The following CDH13 variants were observed in gnomAD, a reference collection of about 807,000 sequenced individuals.
CDH13 encodes the protein cadherin 13.
Under a neutral mutation model 63.8 loss-of-function variants are expected in CDH13, and 24 were observed. The ratio of observed to expected loss-of-function variants is 0.38; its 90% CI spans 0.27 to 0.53. CDH13 has a LOEUF of 0.53. Among genes scored for constraint, CDH13 ranks in the 20% least tolerant of loss-of-function variants. CDH13 has a pLI of 0.85. For missense variants in CDH13, 1,049 were observed against 903.1 expected (o/e 1.16, Z -2.07); for synonymous variants, 503 against 355.3 (o/e 1.42, Z -4.67).
chr16:83,070,800 C>G (rs1031924914), intron 3 of CDH13, among the ~76,000 whole-genome samples: 11 of 149,486 alleles, frequency 7.4e-5, no homozygotes, highest in African/African-American at 2.2e-4. Context: ...AAGGAGTTGT[C>G]TTAAGCAATA....
chr16:82,917,844 C>T lies in CDH13; in HGVS notation c.157+59371C>T, dbSNP rs559820810. Among the ~76,000 whole-genome samples, 269 of 142,288 alleles carry T rather than the reference C, an allele frequency of 1.9e-3. 1 individual carries two copies. Among genetic ancestry groups the T allele is most frequent in the East Asian group, 1.1e-3 (5 of 4,760 alleles). 93.3% of individuals were successfully genotyped at this position (142,288 alleles called of 152,430 possible). On this transcript the variant is annotated intron_variant, in intron 2 of 13. Coordinates refer to ENST00000567109, the MANE Select transcript of CDH13 (RefSeq NM_001257.5). The stretch of plus-strand genomic sequence containing the variant: ...GCGGGAGAATTGCTTGAACCCAGGA[C>T]GCAGAGGTTGCAGTGAGCCGAGATC...
At chr16:82,921,306 C>A (rs959242219) in intron 2 of CDH13, among the ~76,000 whole-genome samples, 2 of 152,202 alleles carry the variant, frequency 1.3e-5, no homozygotes, top group African/African-American at 4.8e-5. Flanking sequence ...TTTCTTGCTT[C>A]TTCCAGCTTC....
chr16:83,529,104 T>C (rs1372304447), intron 7 of CDH13, among the ~76,000 whole-genome samples: 4 of 151,768 alleles, frequency 2.6e-5, no homozygotes, highest in African/African-American at 7.3e-5. Context: ...TTTTTTTTTT[T>C]TTTCTTTTTC....
At chr16:82,995,882 T>G (rs1009767628) in intron 2 of CDH13, among the ~76,000 whole-genome samples, 1 of 152,156 alleles carries the variant, frequency 6.6e-6, no homozygotes, top group African/African-American at 2.4e-5. Context: ...CGTTTAATTA[T>G]GAGAAAGTAA....
chr16:83,176,469 C>T (rs981786450), intron 4 of CDH13, among the ~76,000 whole-genome samples: 5 of 136,376 alleles, frequency 3.7e-5, no homozygotes, highest in African/African-American at 1.4e-4. Context: ...CAGATTGCAT[C>T]ACTGCACTCC....
chr16:82,877,949 A>ACACACAC (rs1555533817), intron 2 of CDH13, among the ~76,000 whole-genome samples: 5 of 135,766 alleles, frequency 3.7e-5, no homozygotes, highest in African/African-American at 1.3e-4. Context: ...ACACACACAC[A>ACACACAC]CACACACACA....
chr16:82,746,278 CTG>C (rs1368718321), intron 1 of CDH13, among the ~76,000 whole-genome samples: 1 of 129,188 alleles, frequency 7.7e-6, no homozygotes, highest in Non-Finnish European at 1.7e-5. Flanking sequence ...TATAAACACA[CTG>C]TATGTATGAT....
chr16:83,270,061 T>A (rs2088754910), intron 5 of CDH13, among the ~76,000 whole-genome samples: 1 of 152,214 alleles, frequency 6.6e-6, no homozygotes, highest in African/African-American at 2.4e-5. Flanking sequence ...GTAACTGGTT[T>A]CTCTTTGGAA....
At chr16:83,216,546 G>A (rs1400966558) in intron 4 of CDH13, among the ~76,000 whole-genome samples, 1 of 138,534 alleles carries the variant, frequency 7.2e-6, no homozygotes, top group Non-Finnish European at 1.5e-5. Flanking sequence ...TATATATAAT[G>A]GGGTTTAATA....
At chr16:83,231,911 C>G (rs967719116) in intron 5 of CDH13, among the ~76,000 whole-genome samples, 2 of 152,140 alleles carry the variant, frequency 1.3e-5, no homozygotes, top group African/African-American at 4.8e-5. Flanking sequence ...CGACCGAGTT[C>G]TTGCTCAGCT....
chr16:83,380,816 G>A (rs566731459), intron 6 of CDH13, among the ~76,000 whole-genome samples: 1 of 150,550 alleles, frequency 6.6e-6, no homozygotes, highest in East Asian at 2.0e-4. Flanking sequence ...GTTTCATTAG[G>A]GCACATTACC....
intron 11 of CDH13, among the ~76,000 whole-genome samples, chr16:83,754,875 A>G (rs1913379965): frequency 6.6e-6 from 1 of 152,166 alleles, no homozygotes; most frequent in African/African-American, 2.4e-5. Context: ...TCTGACTAAT[A>G]CAGGAGAGGG....
chr16:82,988,853 G>T (rs983158377), intron 2 of CDH13, among the ~76,000 whole-genome samples: 26 of 152,208 alleles, frequency 1.7e-4, no homozygotes, highest in African/African-American at 6.3e-4. Context: ...CGCAAGGTAG[G>T]AGGTGTTCTG....
chr16:83,659,605 A>AGCAG (rs1283767332), intron 8 of CDH13, among the ~76,000 whole-genome samples: 10 of 152,204 alleles, frequency 6.6e-5, no homozygotes, highest in African/African-American at 2.4e-4. Context: ...GATCTCTGAA[A>AGCAG]GCAGGACCCC....
intron 4 of CDH13, among the ~76,000 whole-genome samples, chr16:83,146,465 A>G (rs1426663633): frequency 2.0e-5 from 3 of 152,208 alleles, no homozygotes; most frequent in African/African-American, 4.8e-5. Flanking sequence ...CCTTATGGTT[A>G]CAAGCTGCCT....
intron 1 of CDH13, among the ~76,000 whole-genome samples, chr16:82,640,462 T>C (rs1407203486): frequency 1.3e-5 from 2 of 152,172 alleles, no homozygotes; most frequent in Non-Finnish European, 2.9e-5. Context: ...ATCTAGTAAA[T>C]AGCTGGTTTC....
intron 3 of CDH13, among the ~76,000 whole-genome samples, chr16:83,110,048 G>A (rs1388980639): frequency 6.6e-6 from 1 of 152,208 alleles, no homozygotes. Context: ...ACGTGGGGAA[G>A]TTGACATTTT....
chr16:83,591,692 T>C (rs1906768881), intron 7 of CDH13, among the ~76,000 whole-genome samples: 1 of 152,194 alleles, frequency 6.6e-6, no homozygotes, highest in Admixed American at 6.5e-5. Context: ...CTGAAGCCAC[T>C]GAAAAGCCAC....
chr16:83,287,835 C>G lies in CDH13; in HGVS notation c.637-57027C>G, dbSNP rs557007390. ...CTGGCACCAAATAGGTTTGGGACCT[C>G]TGATCAAGAGTGATAGCATTGTAAT... On this transcript the variant is annotated intron_variant, in intron 5 of 13. Coordinates refer to ENST00000567109, the MANE Select transcript of CDH13 (RefSeq NM_001257.5). Among the ~76,000 whole-genome samples, 74 of 152,214 alleles carry G rather than the reference C, an allele frequency of 4.9e-4. 1 individual carries two copies. Among genetic ancestry groups the G allele is most frequent in the African/African-American group, 1.5e-3 (62 of 41,534 alleles).
Sources: gnomAD v4.1 joint callset for allele counts (sites outside exome capture counted in the v4.1 genomes callset) on GRCh38, gnomAD v4.1.1 for gene constraint, MANE v1.5 for transcripts, NCBI Gene and HGNC (gene_info 2026-07-23, HGNC 2026-07-21) for gene names.